The following DENND4C variants were observed in gnomAD, a reference collection of about 807,000 sequenced individuals.
DENND4C encodes the protein DENN domain containing 4C, also known as DENN domain-containing protein 4C.
In DENND4C, 108 loss-of-function variants were observed where a neutral mutation model predicts 203.0. The ratio of observed to expected loss-of-function variants is 0.53; its 90% confidence interval spans 0.46 to 0.62. The LOEUF (loss-of-function observed/expected upper bound fraction) is 0.62, where lower values mean the gene tolerates loss of function less well. Ranked by LOEUF, DENND4C falls within the 20% of genes least tolerant of loss-of-function variation. The probability of loss-of-function intolerance (pLI) is 0.00; values close to 1 mark genes in which losing one functional copy is unlikely to be tolerated. For missense variants in DENND4C, 2,481 were observed against 2,301.2 expected (o/e 1.08, Z -1.60); for synonymous variants, 871 against 792.4 (o/e 1.10, Z -1.67).
chr9:19,263,718 G>A (rs551726487), intron 1 of DENND4C, among the ~76,000 whole-genome samples: 70 of 150,642 alleles, frequency 4.6e-4, no homozygotes, highest in African/African-American at 1.6e-3. Flanking sequence ...GCAATGGCAC[G>A]ATCTGGGCTT....
At chr9:19,293,155 T>G (rs939260194) in intron 5 of DENND4C, among the ~76,000 whole-genome samples, 2 of 152,190 alleles carry the variant, frequency 1.3e-5, no homozygotes, top group African/African-American at 2.4e-5. Context: ...TTTTAAGATC[T>G]TCAAACATTA....
intron 7 of DENND4C, among the ~76,000 whole-genome samples, 187 bp downstream of exon 7, chr9:19,298,309 A>G: frequency 6.6e-6 from 1 of 152,132 alleles, no homozygotes; most frequent in Non-Finnish European, 1.5e-5. Context: ...AGTGTACTGA[A>G]TTGGAATAAT....
At chr9:19,324,933 G>GTC (rs1843482206) in intron 13 of DENND4C, among the ~76,000 whole-genome samples, 1 of 152,032 alleles carries the variant, frequency 6.6e-6, no homozygotes, top group South Asian at 2.1e-4. Flanking sequence ...GCCCAGGCTG[G>GTC]TCTCAAACTC....
chr9:19,358,823 G>T lies in DENND4C; in HGVS notation c.5160+663G>T, dbSNP rs1168205947. On this transcript the variant is annotated intron_variant, in intron 28 of 32. Coordinates refer to ENST00000434457, the MANE Select transcript of DENND4C (RefSeq NM_001330640.2). This position sits in a 1 kb window ranked among gnomAD's most constrained non-coding sequence, Gnocchi z 4.8. ...ATTGCAACGATAAAAGTTGGAATTTGTGTCCGGAACCTTGATCAGATTTGG... is the reference window on the plus strand; with the variant it reads ...ATTGCAACGATAAAAGTTGGAATTTTTGTCCGGAACCTTGATCAGATTTGG... Among the ~76,000 whole-genome samples the T allele has an allele frequency of 2.0e-5, 3 of 151,812 alleles. No individual in the cohort carries two copies. Among genetic ancestry groups the T allele is most frequent in the Non-Finnish European group, 4.4e-5 (3 of 68,016 alleles).
At chr9:19,272,391 G>A (rs925143791) in intron 1 of DENND4C, among the ~76,000 whole-genome samples, 19 of 151,578 alleles carry the variant, frequency 1.3e-4, no homozygotes, top group Non-Finnish European at 2.2e-4. Context: ...TTGCACTCCC[G>A]CCTGGGCAAC....
intron 12 of DENND4C, among the ~76,000 whole-genome samples, chr9:19,322,565 T>C (rs899951818): frequency 2.6e-5 from 4 of 151,534 alleles, no homozygotes; most frequent in Non-Finnish European, 5.9e-5. Context: ...ATGGAGACCA[T>C]CCTGGCTAAC....
intron 1 of DENND4C, among the ~76,000 whole-genome samples, chr9:19,270,758 A>G (rs1831479884): frequency 6.6e-6 from 1 of 152,192 alleles, no homozygotes; most frequent in Admixed American, 6.5e-5. Flanking sequence ...GGCAAGAAAA[A>G]GAAAAAAAAG....
At chr9:19,288,215 A>G (rs1216046056) in intron 3 of DENND4C, among the ~76,000 whole-genome samples, 1 of 152,246 alleles carries the variant, frequency 6.6e-6, no homozygotes, top group African/African-American at 2.4e-5. Context: ...ACCCAGAACA[A>G]TTAGTGAAGA....
intron 1 of DENND4C, among the ~76,000 whole-genome samples, chr9:19,258,349 G>T (rs972233414): frequency 6.6e-6 from 1 of 152,058 alleles, no homozygotes; most frequent in African/African-American, 2.4e-5. Context: ...TTCCCAACTT[G>T]TTCTGTCATG....
chr9:19,256,094 A>G (rs1827850774), intron 1 of DENND4C, among the ~76,000 whole-genome samples: 1 of 151,968 alleles, frequency 6.6e-6, no homozygotes, highest in Non-Finnish European at 1.5e-5. Flanking sequence ...AATGAAAAAA[A>G]AAAAAAGACC....
rs1349845667 is a variant in DENND4C, at chr9:19,371,794, C to A, written c.5714C>A (p.Ser1905Tyr). 1.4e-6 allele frequency: 2 copies of A among 1,462,648 alleles called. No individual in the cohort carries two copies. Among genetic ancestry groups the A allele is most frequent in the Admixed American group, 1.8e-5 (1 of 54,696 alleles). The allele number at this position is 1,462,648 out of a possible 1,614,324, so 90.6% of individuals were successfully genotyped here. A position where few individuals can be genotyped will look rare whatever the true frequency, so the allele number is the denominator to read the frequency against. The change falls in exon 32 of 33, where the codon TCT becomes TAT. Residue 1905 changes from serine to tyrosine, a missense_variant. Physicochemically the swap from Ser to Tyr is moderately radical, Grantham distance 144 (BLOSUM62 -2). This residue lies in a region of DENND4C where 2,289 missense variants were observed against 2,113.3 expected (regional missense o/e 1.08). Coordinates refer to ENST00000434457, the MANE Select transcript of DENND4C (RefSeq NM_001330640.2). ...GAAATCCTCTTCTTATCATTAGTGT[C>A]TCTAGGAAGAGAGAATATTGATATT... ...YREILFLSLV[S>Y]LGRENIDIEA...
At chr9:19,298,743 C>CAT (rs1229339198) in intron 7 of DENND4C, among the ~76,000 whole-genome samples, 1 of 152,124 alleles carries the variant, frequency 6.6e-6, no homozygotes, top group Admixed American at 6.5e-5. Flanking sequence ...ACATACTTAA[C>CAT]ATACTTTCAG....
chr9:19,358,610 C>G lies in DENND4C; in HGVS notation c.5160+450C>G, dbSNP rs1825864262. ...AAATTTCTGATTGTCTCAAAAATGT[C>G]AAATGCATATGTGTGCTTGTGTATG... On this transcript the variant is annotated intron_variant, in intron 28 of 32. Transcript: ENST00000434457. The surrounding 1 kb of genome is among the most constrained non-coding windows in gnomAD (Gnocchi z 4.8). Among the ~76,000 whole-genome samples the G allele has an allele frequency of 1.3e-5, 2 of 151,802 alleles. No individual in the cohort carries two copies. Among genetic ancestry groups the G allele is most frequent in the Admixed American group, 6.6e-5 (1 of 15,240 alleles).
chr9:19,243,667 A>G (rs1314504557), intron 1 of DENND4C, among the ~76,000 whole-genome samples: 1 of 152,218 alleles, frequency 6.6e-6, no homozygotes, highest in South Asian at 2.1e-4. Context: ...TTCTAGGTCC[A>G]GTAGTACTTC....
chr9:19,281,694 TTC>T (rs2131004640), intron 2 of DENND4C, among the ~76,000 whole-genome samples: 1 of 152,356 alleles, frequency 6.6e-6, no homozygotes, highest in South Asian at 2.1e-4. Context: ...TGGGAATACA[TTC>T]TGAGAAATGT....
At chr9:19,338,926 A>G (rs1464438794) in intron 20 of DENND4C, among the ~76,000 whole-genome samples, 1 of 152,190 alleles carries the variant, frequency 6.6e-6, no homozygotes, top group East Asian at 1.9e-4. Flanking sequence ...TGACATCTTT[A>G]TACTGTTTTC....
intron 1 of DENND4C, among the ~76,000 whole-genome samples, chr9:19,250,563 G>T (rs993185182): frequency 2.6e-5 from 4 of 152,110 alleles, no homozygotes; most frequent in African/African-American, 9.7e-5. Context: ...TAACTCAAAA[G>T]TCCACAGTCC....
At chr9:19,352,415 C>A in intron 25 of DENND4C, 75 bp from the exon 26 acceptor site, 2 of 1,396,304 alleles carry the variant, frequency 1.4e-6, no homozygotes, top group East Asian at 2.4e-5. Flanking sequence ...AAAAAAATCC[C>A]ATTATCTCAA....
At chr9:19,323,437 A>T (rs1843223688) in intron 12 of DENND4C, among the ~76,000 whole-genome samples, 1 of 152,020 alleles carries the variant, frequency 6.6e-6, no homozygotes, top group Non-Finnish European at 1.5e-5. Flanking sequence ...CTGGAAAAAA[A>T]AAAAAAAAGG....
Sources: gnomAD v4.1 joint callset for allele counts (sites outside exome capture counted in the v4.1 genomes callset) on GRCh38, gnomAD v4.1.1 for gene constraint, gnomAD v4.1.1 regional missense constraint, Gnocchi (gnomAD v3.1) non-coding constraint, MANE v1.5 for transcripts, NCBI Gene and HGNC (gene_info 2026-07-23, HGNC 2026-07-21) for gene names.